GRIA4: variants seen among roughly 807,000 people sequenced by gnomAD.
GRIA4 encodes glutamate ionotropic receptor AMPA type subunit 4.
GRIA4 carries 34 observed loss-of-function variants against 104.0 expected under a neutral mutation model. That is an observed-to-expected ratio of 0.33 (90% CI 0.25 to 0.44). The LOEUF is 0.44. Ranked by LOEUF, GRIA4 falls within the 20% of genes least tolerant of loss-of-function variation. The pLI, the probability that GRIA4 is intolerant of heterozygous loss-of-function variation, is 1.00. For synonymous variants in GRIA4, 386 were observed against 381.9 expected (o/e 1.01, Z -0.13); for missense variants, 750 against 1,096.5 (o/e 0.68, Z 4.46).
Position 105,623,067 on chromosome 11 carries a change from A to G in GRIA4, c.247+10633A>G, listed in dbSNP as rs1253671174. Among the ~76,000 whole-genome samples, 388 of 41,776 alleles carry G rather than the reference A, an allele frequency of 9.3e-3. 4 individuals carry two copies. The Middle Eastern group carries it at 0.19, about 20-fold the overall frequency. The allele number at this position is 41,776 out of a possible 152,430, so 27.4% of individuals were successfully genotyped here. ...AGTATTCCATTGTATATATATATAT[A>G]TATATATATATATATATATATATAC... On this transcript the variant is annotated intron_variant, in intron 3 of 16. Transcript: ENST00000282499.
At chr11:105,881,623 G>T (rs925289552) in intron 5 of GRIA4, among the ~76,000 whole-genome samples, 1 of 151,768 alleles carries the variant, frequency 6.6e-6, no homozygotes, top group African/African-American at 2.4e-5. Flanking sequence ...TTCTCTCTCC[G>T]TCCTCCAAAA....
At chr11:105,842,876 ATGC>A in intron 4 of GRIA4, 1 of 152,340 alleles carries the variant, frequency 6.6e-6, no homozygotes, top group Admixed American at 6.5e-5. Flanking sequence ...GAAGAATATG[ATGC>A]TAAGAGAAAA....
chr11:105,709,723 G>A (rs1003857741), intron 3 of GRIA4, among the ~76,000 whole-genome samples: 25 of 152,008 alleles, frequency 1.6e-4, no homozygotes, highest in Admixed American at 1.6e-3. Context: ...GGAAGAGAGG[G>A]AAGAAAAAGG....
chr11:105,906,224 T>C (rs1057461351), intron 9 of GRIA4, among the ~76,000 whole-genome samples: 22 of 152,344 alleles, frequency 1.4e-4, no homozygotes, highest in African/African-American at 5.3e-4. Flanking sequence ...ATTTGAGTAG[T>C]AGTATTTCTC....
chr11:105,818,931 A>C (rs951630481), intron 4 of GRIA4, among the ~76,000 whole-genome samples: 1 of 152,200 alleles, frequency 6.6e-6, no homozygotes, highest in Admixed American at 6.5e-5. Context: ...CATGTGTAAC[A>C]AAGTCAAGCT....
rs1320407745 is a variant in GRIA4, at chr11:105,753,117, C to T, written c.384C>T (p.Ser128=). The change falls in exon 4 of 17, where the codon AGC becomes AGT. Residue 128 remains serine (S), a synonymous_variant. Coordinates refer to ENST00000282499, the MANE Select transcript of GRIA4 (RefSeq NM_000829.4). Reference sequence around the variant, plus strand: ...CAAGTTTCCCTACTGAGGGGGAGAGCCAGTTTGTGCTGCAACTAAGACCTT... The same window carrying T: ...CAAGTTTCCCTACTGAGGGGGAGAGTCAGTTTGTGCTGCAACTAAGACCTT... The part of the protein sequence containing the change: ...ITPSFPTEGE[S]QFVLQLRPSL... 1.2e-6 allele frequency: 2 copies of T among 1,613,808 alleles called. No individual in the cohort carries two copies. The highest frequency in any genetic ancestry group is 1.7e-6 in the Non-Finnish European group (2 of 1,179,842).
chr11:105,713,591 T>C (rs1953990956), intron 3 of GRIA4, among the ~76,000 whole-genome samples: 1 of 152,130 alleles, frequency 6.6e-6, no homozygotes, highest in Non-Finnish European at 1.5e-5. Flanking sequence ...TACCTGAAAG[T>C]TTTTGCCCTT....
At chr11:105,913,801 G>T (rs1947324599) in intron 10 of GRIA4, among the ~76,000 whole-genome samples, 1 of 151,952 alleles carries the variant, frequency 6.6e-6, no homozygotes. Flanking sequence ...CAACTACAAA[G>T]ATTTTCTTAC....
rs547733009 is a variant in GRIA4 at position 105,637,964 on chromosome 11, T to A, written c.247+25530T>A. 3.3e-5 allele frequency among the ~76,000 whole-genome samples: 5 copies of A among 152,278 alleles called. No homozygotes were observed. In the South Asian group the frequency reaches 1.0e-3, roughly 32 times the overall value. Reference sequence around the variant, plus strand: ...TTAATTTCATTCATTTATTTTTAAATTGACAAATAATTGTGTATTTTTAAT... The same window carrying A: ...TTAATTTCATTCATTTATTTTTAAAATGACAAATAATTGTGTATTTTTAAT... On this transcript the variant is annotated intron_variant, in intron 3 of 16. Transcript: ENST00000282499.
intron 4 of GRIA4, among the ~76,000 whole-genome samples, chr11:105,819,908 C>A (rs931288571): frequency 2.6e-5 from 4 of 152,032 alleles, no homozygotes; most frequent in Non-Finnish European, 5.9e-5. Context: ...GGGTGGGCCT[C>A]TAACCCAGTG....
chr11:105,794,475 A>ATG (rs1425628825), intron 4 of GRIA4, among the ~76,000 whole-genome samples: 980 of 61,180 alleles, frequency 0.016, 13 homozygotes, highest in Middle Eastern at 0.04. Flanking sequence ...ATATGTATGT[A>ATG]TATATATATA....
rs1039899279 is a variant in GRIA4, at chr11:105,912,228, A to G, written c.1269+1683A>G. ...ATTATATCACTCCATTTCCAAGGGT[A>G]GATTTTCTATAAGTAAATATCTCGG... On this transcript the variant is annotated intron_variant, in intron 10 of 16. Transcript: ENST00000282499. The G allele has an allele frequency of 3.0e-6, 3 of 988,520 alleles. No individual in the cohort carries two copies. The African/African-American group carries it at 5.2e-5, about 17-fold the overall frequency. 61.2% of individuals were successfully genotyped at this position (988,520 alleles called of 1,614,324 possible).
chr11:105,841,152 G>A (rs1262671142), intron 4 of GRIA4, among the ~76,000 whole-genome samples: 1 of 151,178 alleles, frequency 6.6e-6, no homozygotes, highest in Non-Finnish European at 1.5e-5. Context: ...GTTTCTCTCT[G>A]ATATGTTTCA....
At chr11:105,956,166 G>GTTT (rs1555056943) in intron 14 of GRIA4, among the ~76,000 whole-genome samples, 3 of 152,040 alleles carry the variant, frequency 2.0e-5, no homozygotes, top group African/African-American at 7.3e-5. Flanking sequence ...ACAATATGCA[G>GTTT]GTTACATATG....
chr11:105,655,435 C>T (rs1046795813), intron 3 of GRIA4, among the ~76,000 whole-genome samples: 1 of 152,026 alleles, frequency 6.6e-6, no homozygotes. Context: ...GTTTGCTGCA[C>T]CCATCAGCCC....
chr11:105,612,154 T>C, intron 2 of GRIA4, 122 bp from the exon 3 acceptor site: 5 of 801,378 alleles, frequency 6.2e-6, no homozygotes, highest in Middle Eastern at 4.9e-4. Flanking sequence ...TCCCTAGATG[T>C]GGCAGGTATA....
At chr11:105,693,904 T>A (rs1953176323) in intron 3 of GRIA4, among the ~76,000 whole-genome samples, 1 of 152,204 alleles carries the variant, frequency 6.6e-6, no homozygotes, top group Admixed American at 6.5e-5. Context: ...TATGATTGTA[T>A]GACTCAAAAA....
intron 4 of GRIA4, among the ~76,000 whole-genome samples, chr11:105,831,955 C>T (rs561600613): frequency 2.6e-5 from 4 of 152,092 alleles, no homozygotes; most frequent in African/African-American, 7.2e-5. Flanking sequence ...GAGAAGTAAG[C>T]GTAGCAGAGA....
At chr11:105,682,271 A>G (rs771572665) in intron 3 of GRIA4, among the ~76,000 whole-genome samples, 1 of 152,100 alleles carries the variant, frequency 6.6e-6, no homozygotes, top group Non-Finnish European at 1.5e-5. Flanking sequence ...GCTAGTGTAC[A>G]GTAGATAGGC....
Sources: allele counts gnomAD v4.1 joint callset (sites outside exome capture counted in the v4.1 genomes callset), GRCh38; gene constraint gnomAD v4.1.1; transcripts MANE v1.5; gene names NCBI Gene and HGNC (gene_info 2026-07-23, HGNC 2026-07-21).